Variants in TSHR observed in about 807,000 individuals in gnomAD.
The protein encoded by TSHR is thyrotropin receptor.
A neutral mutation model predicts 64.1 loss-of-function variants in TSHR; 51 were observed. The ratio of observed to expected loss-of-function variants is 0.80; its 90% CI spans 0.64 to 1.01. The LOEUF is 1.01. Ranked by LOEUF, TSHR falls within the 50% of genes least tolerant of loss-of-function variation. The pLI, the probability that TSHR is intolerant of heterozygous loss-of-function variation, is 0.00. For synonymous variants in TSHR, 361 were observed against 361.9 expected (o/e 1.00, Z 0.03); for missense variants, 877 against 942.8 (o/e 0.93, Z 0.91).
chr14:81,091,036 AT>A, intron 4 of TSHR, 32 bp from the exon 5 acceptor site: 1 of 1,570,326 alleles, frequency 6.4e-7, no homozygotes, highest in South Asian at 1.1e-5. Context: ...CCTAAATTCT[AT>A]GCTTTTTTTT....
chr14:81,129,015 T>C (rs8022675), intron 8 of TSHR, among the ~76,000 whole-genome samples: 59,462 of 151,706 alleles, frequency 0.39, 12,847 homozygotes, highest in African/African-American at 0.57. Context: ...CTATATATAA[T>C]ATTTTTTTCC....
In TSHR at chr14:81,092,410, TAAAA is replaced by T. The variant is rs534887224; in HGVS notation, c.468-119_468-116del. 3.9e-3 allele frequency: 3,826 copies of T among 976,866 alleles called. 38 individuals are homozygous for T. The highest frequency in any genetic ancestry group is 2.5e-3 in the Non-Finnish European group (1,538 of 618,562). The allele number at this position is 976,866 out of a possible 1,614,324, so 60.5% of individuals were successfully genotyped here. ...GCGGTTAAGAAGGGTCAGTGAAACTTAAAAAGAAATAAGATTAAGCTATATTGTG... is the reference window on the plus strand; with the variant it reads ...GCGGTTAAGAAGGGTCAGTGAAACTTAGAAATAAGATTAAGCTATATTGTG... On this transcript the variant is annotated intron_variant, in intron 5 of 9. Coordinates refer to ENST00000298171, the MANE Select transcript of TSHR (RefSeq NM_000369.5).
chr14:81,004,314 A>T (rs569693573), intron 1 of TSHR, among the ~76,000 whole-genome samples: 96 of 152,308 alleles, frequency 6.3e-4, no homozygotes, highest in Middle Eastern at 3.4e-3. Context: ...GGTGATTCTG[A>T]TATCTCCTAT....
intron 8 of TSHR, among the ~76,000 whole-genome samples, chr14:81,128,513 G>C (rs941631506): frequency 6.6e-6 from 1 of 152,126 alleles, no homozygotes; most frequent in African/African-American, 2.4e-5. Flanking sequence ...CTGCTTAAAA[G>C]CCTCCAGTGG....
chr14:81,031,568 TG>T (rs1884349042), intron 1 of TSHR, among the ~76,000 whole-genome samples: 1 of 152,178 alleles, frequency 6.6e-6, no homozygotes, highest in African/African-American at 2.4e-5. Context: ...TAGGATGTCT[TG>T]TTTCAGATTT....
At chr14:81,084,582 G>T (rs1471282117) in intron 3 of TSHR, among the ~76,000 whole-genome samples, 1 of 152,194 alleles carries the variant, frequency 6.6e-6, no homozygotes, top group Non-Finnish European at 1.5e-5. Flanking sequence ...AGTACTGGAT[G>T]GATGAGTGGG....
At position 80,955,675 on chromosome 14, in the gene TSHR, T is replaced by A. The variant is rs370437427; in HGVS notation, c.-6T>A. The A allele has an allele frequency of 4.5e-5, 73 of 1,613,644 alleles. No homozygotes were observed. The East Asian group carries it at 1.4e-3, about 31-fold the overall frequency. ...GATGGAGAAATAGCCCCGAGTCCCGTGGAAAATGAGGCCGGCGGACTTGCT... is the reference window on the plus strand; with the variant it reads ...GATGGAGAAATAGCCCCGAGTCCCGAGGAAAATGAGGCCGGCGGACTTGCT... On this transcript the variant is annotated 5_prime_UTR_variant, in exon 1 of 10. Coordinates refer to ENST00000298171, the MANE Select transcript of TSHR (RefSeq NM_000369.5).
intron 1 of TSHR, among the ~76,000 whole-genome samples, chr14:81,037,853 T>A (rs529258233): frequency 6.6e-6 from 1 of 151,238 alleles, no homozygotes; most frequent in East Asian, 1.9e-4. Context: ...TAAAGAGTGA[T>A]ACAGACTGCA....
intron 1 of TSHR, among the ~76,000 whole-genome samples, chr14:81,022,106 CAAAAAA>C (rs10631450): frequency 8.7e-6 from 1 of 115,572 alleles, no homozygotes; most frequent in East Asian, 2.6e-4. Context: ...ACTAAAAATA[CAAAAAA>C]AAAAAAAAAA....
At chr14:81,014,750 C>G (rs1343094340) in intron 1 of TSHR, among the ~76,000 whole-genome samples, 2 of 152,164 alleles carry the variant, frequency 1.3e-5, no homozygotes, top group Non-Finnish European at 2.9e-5. Context: ...GTTCCTGCAG[C>G]TATTAGTCAT....
At chr14:81,130,318 G>A (rs927292000) in intron 8 of TSHR, among the ~76,000 whole-genome samples, 7 of 151,998 alleles carry the variant, frequency 4.6e-5, no homozygotes, top group African/African-American at 7.3e-5. Context: ...CTAAAACTCC[G>A]TTTACCAGGT....
chr14:81,090,923 T>G lies in TSHR; in HGVS notation c.393-146T>G. On this transcript the variant is annotated intron_variant, in intron 4 of 9. Coordinates refer to ENST00000298171, the MANE Select transcript of TSHR (RefSeq NM_000369.5). ...ACCATCAGAACTTGCCCATAGTTAC[T>G]CAGATATTTAGGGAAGGTGTTGGGA... The G allele has an allele frequency of 5.7e-6, 4 of 697,182 alleles. No individual in the cohort carries two copies. The South Asian group carries it at 6.5e-5, about 11-fold the overall frequency. 43.2% of individuals were successfully genotyped at this position (697,182 alleles called of 1,614,324 possible). A position where few individuals can be genotyped will look rare whatever the true frequency, so the allele number is the denominator to read the frequency against.
intron 7 of TSHR, among the ~76,000 whole-genome samples, chr14:81,099,203 T>C (rs1889411074): frequency 6.6e-6 from 1 of 151,854 alleles, no homozygotes; most frequent in East Asian, 1.9e-4. Flanking sequence ...AAATACATTA[T>C]CAGTCTTCTT....
chr14:81,060,962 A>G (rs912371771), intron 1 of TSHR, among the ~76,000 whole-genome samples: 1 of 152,144 alleles, frequency 6.6e-6, no homozygotes, highest in African/African-American at 2.4e-5. Context: ...GTGTTTCATT[A>G]TGTATGATGA....
At chr14:81,075,838 A>T (rs1191507483) in intron 3 of TSHR, among the ~76,000 whole-genome samples, 4 of 152,022 alleles carry the variant, frequency 2.6e-5, no homozygotes, top group African/African-American at 9.7e-5. Flanking sequence ...ATAAAGACAC[A>T]TGCACACGTA....
At chr14:81,102,995 C>G (rs1056857012) in intron 7 of TSHR, 1 of 985,218 alleles carries the variant, frequency 1.0e-6, no homozygotes, top group Admixed American at 6.2e-5. Flanking sequence ...CTCCATCATT[C>G]TACCCTAAGT....
intron 1 of TSHR, among the ~76,000 whole-genome samples, chr14:80,974,887 C>T (rs1356107306): frequency 1.3e-5 from 2 of 152,140 alleles, no homozygotes; most frequent in African/African-American, 4.8e-5. Context: ...GGACAGTTTT[C>T]CACTGAATTC....
In TSHR at chr14:81,061,352, A is replaced by C. The variant is rs77349137; in HGVS notation, c.171-796A>C. Reference sequence around the variant, plus strand: ...TATTATGTTGTTCGCACGAATGTTCATTGTAGCACTTTTCACAATAGCAAA... The same window carrying C: ...TATTATGTTGTTCGCACGAATGTTCCTTGTAGCACTTTTCACAATAGCAAA... On this transcript the variant is annotated intron_variant, in intron 1 of 9. Transcript: ENST00000298171. 6.2e-3 allele frequency among the ~76,000 whole-genome samples: 939 copies of C among 152,274 alleles called. 9 individuals carry two copies. The highest frequency in any genetic ancestry group is 0.02 in the African/African-American group (836 of 41,576).
intron 1 of TSHR, chr14:80,995,208 TAAAA>T (rs775585268): frequency 2.7e-5 from 4 of 148,674 alleles, no homozygotes; most frequent in Admixed American, 6.6e-5. Flanking sequence ...TATTAAAAGT[TAAAA>T]GAAATGCTTT....
Sources: gnomAD v4.1 joint callset for allele counts (sites outside exome capture counted in the v4.1 genomes callset) on GRCh38, gnomAD v4.1.1 for gene constraint, MANE v1.5 for transcripts, NCBI Gene and HGNC (gene_info 2026-07-23, HGNC 2026-07-21) for gene names.